The following KHDRBS2 variants were observed in gnomAD, a reference collection of about 807,000 sequenced individuals.
KHDRBS2 encodes the protein KH RNA binding domain containing, signal transduction associated 2, also known as KH domain-containing, RNA-binding, signal transduction-associated protein 2.
In KHDRBS2, 26 loss-of-function variants were observed where a neutral mutation model predicts 44.3. The observed-to-expected ratio is 0.59, with a 90% CI of 0.43 to 0.81. KHDRBS2 has a LOEUF of 0.81. Among genes scored for constraint, KHDRBS2 ranks in the 40% least tolerant of loss-of-function variants. KHDRBS2 has a pLI of 0.00. For missense variants in KHDRBS2, 476 were observed against 433.1 expected, an observed-to-expected ratio of 1.10 and a Z score of -0.88; for synonymous variants, 194 against 151.1, an observed-to-expected ratio of 1.28 and a Z score of -2.08.
the KHDRBS2 span, among the ~76,000 whole-genome samples, chr6:61,559,474 T>A: frequency 3.9e-5 from 6 of 152,242 alleles, no homozygotes; most frequent in Non-Finnish European, 1.5e-5. Context: ...TGTTTTCTGG[T>A]TATTTTGTGG....
intron 6 of KHDRBS2, among the ~76,000 whole-genome samples, chr6:61,854,559 A>G (rs941712899): frequency 2.0e-5 from 3 of 152,150 alleles, no homozygotes; most frequent in African/African-American, 7.2e-5. Context: ...ATGAAACAAA[A>G]TTATAATTTC....
At chr6:61,771,403 A>G (rs577331679) in intron 6 of KHDRBS2, among the ~76,000 whole-genome samples, 61 of 152,330 alleles carry the variant, frequency 4.0e-4, no homozygotes, top group African/African-American at 1.3e-3. Flanking sequence ...AATTGGATAA[A>G]GAGTCAAGAC....
intron 2 of KHDRBS2, among the ~76,000 whole-genome samples, chr6:62,172,820 C>T (rs1180729481): frequency 6.6e-6 from 1 of 151,166 alleles, no homozygotes; most frequent in Non-Finnish European, 1.5e-5. Flanking sequence ...TGGAAATTAA[C>T]CTGCTCCTGA....
the KHDRBS2 span, among the ~76,000 whole-genome samples, chr6:61,579,629 T>G: frequency 6.6e-6 from 1 of 152,224 alleles, no homozygotes; most frequent in East Asian, 1.9e-4. Flanking sequence ...GGGTAAAAAT[T>G]TATATAAGAA....
intron 2 of KHDRBS2, among the ~76,000 whole-genome samples, chr6:62,138,046 C>G (rs969952725): frequency 6.6e-6 from 1 of 152,172 alleles, no homozygotes; most frequent in Non-Finnish European, 1.5e-5. Flanking sequence ...AGGACCCCAG[C>G]TGAAGGATTT....
At chr6:61,583,506 A>G in the KHDRBS2 span, among the ~76,000 whole-genome samples, 1 of 151,704 alleles carries the variant, frequency 6.6e-6, no homozygotes, top group Non-Finnish European at 1.5e-5. Flanking sequence ...TTACTTTGAC[A>G]TCATTGTTAA....
chr6:61,976,123 CA>C (rs1206056816), intron 4 of KHDRBS2, among the ~76,000 whole-genome samples: 1 of 152,150 alleles, frequency 6.6e-6, no homozygotes, highest in Non-Finnish European at 1.5e-5. Flanking sequence ...ATATATGGTG[CA>C]TCTTGACTGT....
At chr6:61,970,655 A>G (rs1338393311) in intron 4 of KHDRBS2, among the ~76,000 whole-genome samples, 2 of 152,166 alleles carry the variant, frequency 1.3e-5, no homozygotes, top group Non-Finnish European at 2.9e-5. Flanking sequence ...CTGGTCTATC[A>G]TTCACATACC....
intron 3 of KHDRBS2, among the ~76,000 whole-genome samples, chr6:62,003,043 T>G (rs1188672628): frequency 2.0e-5 from 3 of 152,134 alleles, no homozygotes; most frequent in Admixed American, 6.6e-5. Flanking sequence ...CTTTTCTTTT[T>G]GGCAAAATTA....
intron 6 of KHDRBS2, among the ~76,000 whole-genome samples, chr6:61,820,113 C>T (rs1402896350): frequency 6.6e-6 from 1 of 152,054 alleles, no homozygotes; most frequent in African/African-American, 2.4e-5. Context: ...AGCCACTTGT[C>T]TGAGCCAGAA....
At chr6:61,570,173 A>AAAATC in the KHDRBS2 span, among the ~76,000 whole-genome samples, 1 of 152,166 alleles carries the variant, frequency 6.6e-6, no homozygotes, top group African/African-American at 2.4e-5. Flanking sequence ...ATGAAATTTA[A>AAAATC]AAATCAATAC....
At chr6:62,241,590 C>T (rs1361535454) in intron 1 of KHDRBS2, among the ~76,000 whole-genome samples, 3 of 151,812 alleles carry the variant, frequency 2.0e-5, no homozygotes, top group Non-Finnish European at 2.9e-5. Flanking sequence ...AGCACACCAT[C>T]GTGGATAAGA....
chr6:61,974,695 G>T (rs949997775), intron 4 of KHDRBS2, among the ~76,000 whole-genome samples: 1 of 151,948 alleles, frequency 6.6e-6, no homozygotes, highest in Non-Finnish European at 1.5e-5. Flanking sequence ...CACTTTGGGA[G>T]GCTGAGGCGG....
chr6:61,626,955 G>A, the KHDRBS2 span, among the ~76,000 whole-genome samples: 1 of 152,038 alleles, frequency 6.6e-6, no homozygotes, highest in Non-Finnish European at 1.5e-5. Flanking sequence ...CTGTTGTGTA[G>A]TAAAGAATTT....
At chr6:62,096,048 C>T (rs558271946) in intron 2 of KHDRBS2, among the ~76,000 whole-genome samples, 3 of 151,978 alleles carry the variant, frequency 2.0e-5, no homozygotes, top group Non-Finnish European at 4.4e-5. Flanking sequence ...TTGAACCATA[C>T]GTATCCCTGG....
At chr6:61,750,595 A>AT (rs1777522376) in intron 6 of KHDRBS2, among the ~76,000 whole-genome samples, 1 of 152,042 alleles carries the variant, frequency 6.6e-6, no homozygotes, top group Non-Finnish European at 1.5e-5. Flanking sequence ...CTTCTACCAC[A>AT]TTTCTTGGGA....
intron 7 of KHDRBS2, among the ~76,000 whole-genome samples, chr6:61,713,285 T>G (rs565106010): frequency 6.6e-6 from 1 of 151,780 alleles, no homozygotes; most frequent in East Asian, 1.9e-4. Context: ...TTAATAAACA[T>G]GAACTTAATA....
At chr6:61,697,942 T>C (rs917322573) in intron 7 of KHDRBS2, among the ~76,000 whole-genome samples, 1 of 152,120 alleles carries the variant, frequency 6.6e-6, no homozygotes, top group African/African-American at 2.4e-5. Context: ...TTCTTATCCG[T>C]AAAAAGCTCT....
intron 4 of KHDRBS2, among the ~76,000 whole-genome samples, chr6:61,928,990 T>C (rs1417508537): frequency 2.2e-4 from 34 of 152,148 alleles, no homozygotes; most frequent in Admixed American, 2.2e-3. Context: ...GTAATACTTA[T>C]CACACAATAT....
Sources: allele counts gnomAD v4.1 joint callset (sites outside exome capture counted in the v4.1 genomes callset), GRCh38; gene constraint gnomAD v4.1.1; transcripts MANE v1.5; gene names NCBI Gene and HGNC (gene_info 2026-07-23, HGNC 2026-07-21).